LRRC49: variants seen among roughly 807,000 people sequenced by gnomAD.
The protein encoded by LRRC49 is leucine rich repeat containing 49.
A neutral mutation model predicts 83.3 loss-of-function variants in LRRC49; 50 were observed. That is an observed-to-expected ratio of 0.60 (90% CI 0.48 to 0.76). The LOEUF (loss-of-function observed/expected upper bound fraction) is 0.76, where lower values mean the gene tolerates loss of function less well. LRRC49 is among the 30% of genes least tolerant of loss of function. LRRC49 has a pLI of 0.00. For missense variants in LRRC49, 704 were observed against 809.1 expected (o/e 0.87, Z 1.58); for synonymous variants, 286 against 283.3 (o/e 1.01, Z -0.10).
chr15:70,885,113 T>C (rs940462355), intron 2 of LRRC49, among the ~76,000 whole-genome samples: 1 of 152,210 alleles, frequency 6.6e-6, no homozygotes, highest in Non-Finnish European at 1.5e-5. Flanking sequence ...CTTGTGTAGA[T>C]ATCCGATTGC....
rs992704686 is a variant in LRRC49, at chr15:71,002,684, A to C, written c.1170-5695A>C. ...ATAGAAATTCATAAAATAAATTATT[A>C]TAGGAATCAGCACCACTTATTCATT... is the stretch of plus-strand genomic sequence containing the variant. On this transcript the variant is annotated intron_variant, in intron 11 of 15. Transcript: ENST00000260382. Among the ~76,000 whole-genome samples, 4 of 152,306 alleles carry C rather than the reference A, an allele frequency of 2.6e-5. No individual in the cohort carries two copies. In the East Asian group the frequency reaches 7.7e-4, roughly 29 times the overall value.
chr15:70,963,139 G>A (rs755072092), intron 8 of LRRC49, among the ~76,000 whole-genome samples: 2 of 151,736 alleles, frequency 1.3e-5, no homozygotes, highest in African/African-American at 2.4e-5. Context: ...AGCCAGGCAT[G>A]ATGGTACATA....
intron 1 of LRRC49, among the ~76,000 whole-genome samples, chr15:70,872,376 G>A (rs1396372050): frequency 2.0e-5 from 3 of 151,574 alleles, no homozygotes; most frequent in African/African-American, 7.3e-5. Flanking sequence ...GCATCAGAGG[G>A]AGACCGCGGA....
chr15:70,971,046 T>G (rs1473755041), intron 9 of LRRC49, among the ~76,000 whole-genome samples: 6 of 152,216 alleles, frequency 3.9e-5, no homozygotes, highest in Non-Finnish European at 8.8e-5. Context: ...TGTTTGCTCT[T>G]GCTTCTCTAA....
At chr15:71,030,424 G>C (rs1713549) in intron 14 of LRRC49, among the ~76,000 whole-genome samples, 121,836 of 152,136 alleles carry the variant, frequency 0.8, 49,367 homozygotes, top group East Asian at 0.87. Flanking sequence ...GGTAACCTGA[G>C]CTTTCTCTCT....
intron 8 of LRRC49, among the ~76,000 whole-genome samples, chr15:70,955,233 AC>A (rs2036358333): frequency 6.6e-6 from 1 of 152,110 alleles, no homozygotes; most frequent in African/African-American, 2.4e-5. Flanking sequence ...GTGTATTCTT[AC>A]TTATCAAAAA....
At chr15:71,031,863 C>T (rs762080190) in intron 14 of LRRC49, among the ~76,000 whole-genome samples, 13 of 152,094 alleles carry the variant, frequency 8.5e-5, no homozygotes, top group Middle Eastern at 3.2e-3. Flanking sequence ...TCGATCATCC[C>T]GGGTCAACTT....
chr15:70,873,639 G>A (rs572996875), intron 2 of LRRC49, among the ~76,000 whole-genome samples: 22 of 152,246 alleles, frequency 1.4e-4, no homozygotes, highest in African/African-American at 5.1e-4. Flanking sequence ...GACAGTTGGA[G>A]GGCTCTTTGC....
intron 9 of LRRC49, among the ~76,000 whole-genome samples, chr15:70,974,322 A>T (rs1166179820): frequency 6.6e-6 from 1 of 152,214 alleles, no homozygotes; most frequent in African/African-American, 2.4e-5. Context: ...AGCATTTGGC[A>T]AAGTCTTTTA....
At chr15:70,949,860 A>C (rs1596057011) in intron 8 of LRRC49, among the ~76,000 whole-genome samples, 1 of 152,040 alleles carries the variant, frequency 6.6e-6, no homozygotes, top group Admixed American at 6.6e-5. Context: ...GGTTTGTTAC[A>C]TGGGTAAATT....
chr15:70,928,526 A>G (rs938967811), intron 7 of LRRC49, among the ~76,000 whole-genome samples: 1 of 151,218 alleles, frequency 6.6e-6, no homozygotes. Context: ...CAGATTCATA[A>G]CTTTCATTTA....
At chr15:71,028,134 A>C (rs556116506) in intron 14 of LRRC49, among the ~76,000 whole-genome samples, 3 of 152,286 alleles carry the variant, frequency 2.0e-5, no homozygotes, top group Non-Finnish European at 2.9e-5. Flanking sequence ...TAACCAATTT[A>C]TTGAGAGTTT....
chr15:70,997,960 G>C (rs930365697), intron 11 of LRRC49, among the ~76,000 whole-genome samples: 13 of 151,650 alleles, frequency 8.6e-5, no homozygotes, highest in African/African-American at 3.2e-4. Flanking sequence ...TCCCTTTCTT[G>C]TTCCTTTTAC....
intron 11 of LRRC49, among the ~76,000 whole-genome samples, chr15:70,993,980 G>A (rs1252928855): frequency 6.6e-6 from 1 of 152,078 alleles, no homozygotes; most frequent in Admixed American, 6.6e-5. Context: ...GAGTAGCTGG[G>A]ATTTTCCAGG....
intron 8 of LRRC49, among the ~76,000 whole-genome samples, chr15:70,963,203 G>C (rs2036669160): frequency 6.8e-6 from 1 of 147,562 alleles, no homozygotes; most frequent in South Asian, 2.1e-4. Flanking sequence ...TCGAGCCCAA[G>C]AGTTTGAGGT....
intron 14 of LRRC49, among the ~76,000 whole-genome samples, chr15:71,028,410 T>G (rs2039242808): frequency 6.6e-6 from 1 of 152,184 alleles, no homozygotes; most frequent in Admixed American, 6.5e-5. Flanking sequence ...AATTTTCTTT[T>G]TTTGTTGTGT....
At position 70,971,438 on chromosome 15, in the gene LRRC49, T is replaced by A. The variant is rs137993439; in HGVS notation, c.921+7506T>A. On this transcript the variant is annotated intron_variant, in intron 9 of 15. Coordinates refer to ENST00000260382, the MANE Select transcript of LRRC49 (RefSeq NM_017691.5). ...ACGATGTGGTGCTGAGAAGACTGTA[T>A]ATTCTGTTGATTTGGGGTGGAGAGT... Among the ~76,000 whole-genome samples, 48 of 152,338 alleles carry A rather than the reference T, an allele frequency of 3.2e-4. No homozygotes were observed. In the East Asian group the frequency reaches 8.9e-3, roughly 28 times the overall value.
chr15:71,049,683 T>C lies in LRRC49; in HGVS notation c.*71T>C, dbSNP rs2039963088. On this transcript the variant is annotated 3_prime_UTR_variant, in exon 16 of 16. Coordinates refer to ENST00000260382, the MANE Select transcript of LRRC49 (RefSeq NM_017691.5). Reference sequence around the variant, plus strand: ...AGGTTGAAAATATGCAGGTTATACATGTTAAAACAACAACAACACTATCCT... The same window carrying C: ...AGGTTGAAAATATGCAGGTTATACACGTTAAAACAACAACAACACTATCCT... The C allele has an allele frequency of 3.1e-6, 3 of 971,540 alleles. No individual in the cohort carries two copies. The highest frequency in any genetic ancestry group is 4.8e-6 in the Non-Finnish European group (3 of 629,054). The allele number at this position is 971,540 out of a possible 1,614,324, so 60.2% of individuals were successfully genotyped here.
chr15:70,952,005 G>A (rs2141180747), intron 8 of LRRC49, among the ~76,000 whole-genome samples: 1 of 152,174 alleles, frequency 6.6e-6, no homozygotes, highest in Admixed American at 6.5e-5. Context: ...GGCCTTTTCT[G>A]TGTCTATTCA....
Sources: allele counts gnomAD v4.1 joint callset (sites outside exome capture counted in the v4.1 genomes callset), GRCh38; gene constraint gnomAD v4.1.1; transcripts MANE v1.5; gene names NCBI Gene and HGNC (gene_info 2026-07-23, HGNC 2026-07-21).